SERBP1: variants seen among roughly 807,000 people sequenced by gnomAD.
SERBP1 encodes the protein SERPINE1 mRNA-binding protein 1.
Under a neutral mutation model 50.2 loss-of-function variants are expected in SERBP1, and 6 were observed. The ratio of observed to expected loss-of-function variants is 0.12; its 90% confidence interval spans 0.07 to 0.24. The LOEUF (loss-of-function observed/expected upper bound fraction) is 0.24. SERBP1 is among the 10% of genes least tolerant of loss of function. SERBP1 has a pLI of 1.00. For synonymous variants in SERBP1, 168 were observed against 182.8 expected (o/e 0.92, Z 0.65); for missense variants, 346 against 524.9 (o/e 0.66, Z 3.33).
chr1:67,424,407 C>T lies in SERBP1; in HGVS notation c.696-130G>A, dbSNP rs1667304083. The T allele has an allele frequency of 5.7e-6, 7 of 1,218,840 alleles. No homozygotes were observed. The East Asian group carries it at 7.2e-5, about 13-fold the overall frequency. 75.5% of individuals were successfully genotyped at this position (1,218,840 alleles called of 1,614,324 possible). A position where few individuals can be genotyped will look rare whatever the true frequency, so the allele number is the denominator to read the frequency against. On this transcript the variant is annotated intron_variant, in intron 4 of 7. Coordinates refer to ENST00000361219, the MANE Select transcript of SERBP1 (RefSeq NM_001018069.2). ...TTCATACAAAAATACCATAAGCTCT[C>T]ACATTCTCTAACTCCTTTCTTACTA...
chr1:67,420,244 T>C, intron 5 of SERBP1, 58 bp from the exon 6 acceptor site: 1 of 1,293,872 alleles, frequency 7.7e-7, no homozygotes, highest in African/African-American at 1.5e-5. Flanking sequence ...CATAAAAGTA[T>C]TTTAAATTTA....
chr1:67,422,960 CAAACA>C (rs57255283), intron 5 of SERBP1, among the ~76,000 whole-genome samples: 32,796 of 147,350 alleles, frequency 0.22, 4,592 homozygotes, highest in African/African-American at 0.39. Flanking sequence ...AGAATGTCTC[CAAACA>C]AAACAAAACA....
At chr1:67,426,426 G>A in intron 1 of SERBP1, 141 bp from the exon 2 acceptor site, 2 of 666,876 alleles carry the variant, frequency 3.0e-6, no homozygotes, top group Non-Finnish European at 4.5e-6. Context: ...ACTCTAATGT[G>A]TAACAAAGTA....
intron 6 of SERBP1, among the ~76,000 whole-genome samples, chr1:67,416,442 A>T (rs1283595621): frequency 6.6e-6 from 1 of 152,216 alleles, no homozygotes; most frequent in Non-Finnish European, 1.5e-5. Context: ...TTCATGCCTG[A>T]TGTCTTCTTG....
At position 67,430,370 on chromosome 1, in the gene SERBP1, A is replaced by G; in HGVS notation, c.-70T>C. ...GCGCCGAGCCAAGAGCGCCTGCTTCAGCTCTTCCCACAAGATGGCCGGGCC... is the reference window on the plus strand; with the variant it reads ...GCGCCGAGCCAAGAGCGCCTGCTTCGGCTCTTCCCACAAGATGGCCGGGCC... On this transcript the variant is annotated 5_prime_UTR_variant, in exon 1 of 8. Coordinates refer to ENST00000361219, the MANE Select transcript of SERBP1 (RefSeq NM_001018069.2). The G allele has an allele frequency of 2.8e-6, 4 of 1,441,748 alleles. No individual in the cohort carries two copies. The highest frequency in any genetic ancestry group is 2.5e-5 in the Admixed American group (1 of 40,748). The allele number at this position is 1,441,748 out of a possible 1,614,324, so 89.3% of individuals were successfully genotyped here. A position where few individuals can be genotyped will look rare whatever the true frequency, so the allele number is the denominator to read the frequency against.
rs1405505895 is a variant in SERBP1 at position 67,408,513 on chromosome 1, A to G, written c.*4694T>C. On this transcript the variant is annotated 3_prime_UTR_variant, in exon 8 of 8. Coordinates refer to ENST00000361219, the MANE Select transcript of SERBP1 (RefSeq NM_001018069.2). The stretch of plus-strand genomic sequence containing the variant: ...GTGAACAATTGGCTACCAGTTTAGT[A>G]CAGAAGTAATCAACAGCACAAAAGC... The G allele has an allele frequency of 6.6e-6, 1 of 151,914 alleles. No homozygotes were observed. Among genetic ancestry groups the G allele is most frequent in the Non-Finnish European group, 1.5e-5 (1 of 67,980 alleles). 9.4% of individuals were successfully genotyped at this position (151,914 alleles called of 1,614,324 possible). A position where few individuals can be genotyped will look rare whatever the true frequency, so the allele number is the denominator to read the frequency against.
chr1:67,425,052 T>G (rs776566919), intron 3 of SERBP1, 31 bp downstream of exon 3: 1 of 1,599,074 alleles, frequency 6.3e-7, no homozygotes, highest in Non-Finnish European at 8.5e-7. Flanking sequence ...GATTAAAATA[T>G]TAAAGTAAAA....
rs1667296603 is a variant in SERBP1, at chr1:67,424,211, G to A, written c.762C>T (p.Asp254=). The change falls in exon 5 of 8, where the codon GAC becomes GAT. Residue 254 remains aspartate (D), a synonymous_variant. Coordinates refer to ENST00000361219, the MANE Select transcript of SERBP1 (RefSeq NM_001018069.2). ...PEGEEHHPVA[D]TENKENEVEE... ...GCAATACCACTTACTTATTTTCAGT[G>A]TCTGCCACTGGATGATGTTCTTCAC... 1 of 1,610,664 alleles carries A rather than the reference G, an allele frequency of 6.2e-7. No homozygotes were observed. The highest frequency in any genetic ancestry group is 8.5e-7 in the Non-Finnish European group (1 of 1,178,940).
rs1056091548 is a variant in SERBP1, at chr1:67,411,179, G to A, written c.*2028C>T. ...TTTATATCCATCAGATACAACTAAT[G>A]CACCAACTTTTTAAGTTCAGGCTAT... On this transcript the variant is annotated 3_prime_UTR_variant, in exon 8 of 8. Coordinates refer to ENST00000361219, the MANE Select transcript of SERBP1 (RefSeq NM_001018069.2). 6.6e-6 allele frequency: 1 copy of A among 152,090 alleles called. No individual in the cohort carries two copies. Among genetic ancestry groups the A allele is most frequent in the Non-Finnish European group, 1.5e-5 (1 of 67,990 alleles). 9.4% of individuals were successfully genotyped at this position (152,090 alleles called of 1,614,324 possible).
At chr1:67,419,917 CAAAT>C (rs1667149871) in intron 6 of SERBP1, 88 bp downstream of exon 6, 2 of 1,136,658 alleles carry the variant, frequency 1.8e-6, no homozygotes, top group Non-Finnish European at 2.6e-6. Context: ...CTTTAACAGA[CAAAT>C]AACCCATGTG....
rs1414709943 is a variant in SERBP1, at chr1:67,411,469, G to T, written c.*1738C>A. Reference sequence around the variant, plus strand: ...GACTAAATTAATCTCTGGGTAGCACGTATGTGTGTAAATATAAAATTATAT... The same window carrying T: ...GACTAAATTAATCTCTGGGTAGCACTTATGTGTGTAAATATAAAATTATAT... On this transcript the variant is annotated 3_prime_UTR_variant, in exon 8 of 8. Coordinates refer to ENST00000361219, the MANE Select transcript of SERBP1 (RefSeq NM_001018069.2). The T allele has an allele frequency of 6.6e-6, 1 of 152,128 alleles. No individual in the cohort carries two copies. The allele number at this position is 152,128 out of a possible 1,614,324, so 9.4% of individuals were successfully genotyped here. A position where few individuals can be genotyped will look rare whatever the true frequency, so the allele number is the denominator to read the frequency against.
rs926459296 is a variant in SERBP1, at chr1:67,408,929, G to C, written c.*4278C>G. On this transcript the variant is annotated 3_prime_UTR_variant, in exon 8 of 8. Transcript: ENST00000361219. ...CTTCTAATTTCACAGCTTCCTGTTG[G>C]GTAGACCACTTAATTTGTACCTAGA... The C allele has an allele frequency of 6.6e-6, 1 of 151,920 alleles. No homozygotes were observed. The highest frequency in any genetic ancestry group is 1.5e-5 in the Non-Finnish European group (1 of 67,994). The allele number at this position is 151,920 out of a possible 1,614,324, so 9.4% of individuals were successfully genotyped here. A position where few individuals can be genotyped will look rare whatever the true frequency, so the allele number is the denominator to read the frequency against.
At chr1:67,415,426 A>C (rs952864217) in intron 6 of SERBP1, 87 bp from the exon 7 acceptor site, 16 of 1,332,356 alleles carry the variant, frequency 1.2e-5, no homozygotes, top group African/African-American at 1.1e-4. Context: ...TCTAAAAAAA[A>C]CCAAAAATCC....
chr1:67,419,990 C>T lies in SERBP1; in HGVS notation c.951+19G>A, dbSNP rs758118581. ...AGTCACATCTGAACATTTTCAAACA[C>T]GACAAAACTTAATTTTACCTCTTCA... On this transcript the variant is annotated intron_variant, in intron 6 of 7. Coordinates refer to ENST00000361219, the MANE Select transcript of SERBP1 (RefSeq NM_001018069.2). 25 of 1,609,052 alleles carry T rather than the reference C, an allele frequency of 1.6e-5. No homozygotes were observed. The highest frequency in any genetic ancestry group is 8.8e-5 in the South Asian group (8 of 90,826).
At chr1:67,419,885 C>T (rs1667148707) in intron 6 of SERBP1, 124 bp downstream of exon 6, 3 of 766,082 alleles carry the variant, frequency 3.9e-6, no homozygotes, top group South Asian at 3.7e-5. Context: ...AAATTATCTG[C>T]CCCAAATGAT....
rs1666844421 is a variant in SERBP1, at chr1:67,411,537, T to C, written c.*1670A>G. On this transcript the variant is annotated 3_prime_UTR_variant, in exon 8 of 8. Coordinates refer to ENST00000361219, the MANE Select transcript of SERBP1 (RefSeq NM_001018069.2). ...GCAGAACATGCTCAGCATCATAAGATCCAAAACACCAGCACAAGTTTATCC... is the reference window on the plus strand; with the variant it reads ...GCAGAACATGCTCAGCATCATAAGACCCAAAACACCAGCACAAGTTTATCC... The C allele has an allele frequency of 6.6e-6, 1 of 152,112 alleles. No homozygotes were observed. The highest frequency in any genetic ancestry group is 1.5e-5 in the Non-Finnish European group (1 of 67,996). 9.4% of individuals were successfully genotyped at this position (152,112 alleles called of 1,614,324 possible). A position where few individuals can be genotyped will look rare whatever the true frequency, so the allele number is the denominator to read the frequency against.
In SERBP1 at chr1:67,424,928, T is replaced by C. The variant is rs780428231; in HGVS notation, c.655A>G (p.Ser219Gly). ...GLKHEDKRGGSGSHNWGTVKD... is the reference protein window; with the variant it reads ...GLKHEDKRGGGGSHNWGTVKD... Reference sequence around the variant, plus strand: ...ACAGTTCCCCAGTTGTGAGATCCGCTACCTCCACGTTTGTCCTCGTGCTTC... The same window carrying C: ...ACAGTTCCCCAGTTGTGAGATCCGCCACCTCCACGTTTGTCCTCGTGCTTC... The change falls in exon 4 of 8, where the codon AGC (serine) becomes GGC (glycine). Residue 219 changes from serine to glycine, a missense_variant. By Grantham distance (56) the Ser-to-Gly change is moderately conservative. Coordinates refer to ENST00000361219, the MANE Select transcript of SERBP1 (RefSeq NM_001018069.2). The C allele has an allele frequency of 6.2e-7, 1 of 1,612,720 alleles. No individual in the cohort carries two copies. The highest frequency in any genetic ancestry group is 8.5e-7 in the Non-Finnish European group (1 of 1,179,888).
intron 6 of SERBP1, among the ~76,000 whole-genome samples, chr1:67,417,600 T>A (rs991136897): frequency 1.3e-5 from 2 of 151,992 alleles, no homozygotes; most frequent in African/African-American, 4.8e-5. Context: ...AACCTCTGCC[T>A]CCTGGGCTCA....
chr1:67,425,470 T>C (rs962108314), intron 2 of SERBP1, among the ~76,000 whole-genome samples: 22 of 152,270 alleles, frequency 1.4e-4, no homozygotes, highest in African/African-American at 4.6e-4. Flanking sequence ...ACTTTTCCAC[T>C]GCTATTCATT....
Sources: gnomAD v4.1 joint callset for allele counts (sites outside exome capture counted in the v4.1 genomes callset) on GRCh38, gnomAD v4.1.1 for gene constraint, MANE v1.5 for transcripts, NCBI Gene and HGNC (gene_info 2026-07-23, HGNC 2026-07-21) for gene names.